BRD4: variants seen among roughly 807,000 people sequenced by gnomAD.
BRD4 encodes the protein bromodomain-containing protein 4.
BRD4 carries 16 observed loss-of-function variants against 142.1 expected under a neutral mutation model. The observed-to-expected ratio is 0.11, with a 90% confidence interval of 0.08 to 0.17. The LOEUF is 0.17. Ranked by LOEUF, BRD4 falls within the 10% of genes least tolerant of loss-of-function variation. BRD4 has a pLI of 1.00. For missense variants in BRD4, 1,424 were observed against 1,810.9 expected (o/e 0.79, Z 3.88); for synonymous variants, 833 against 707.5 (o/e 1.18, Z -2.82).
At chr19:15,292,776 TCAAAAAAAAAAA>T (rs2047792328) in intron 1 of BRD4, among the ~76,000 whole-genome samples, 1 of 22,458 alleles carries the variant, frequency 4.5e-5, no homozygotes, top group African/African-American at 1.7e-4. Flanking sequence ...AGACTCCGTC[TCAAAAAAAAAAA>T]AAAAAAAAAA....
intron 1 of BRD4, among the ~76,000 whole-genome samples, chr19:15,319,219 C>G (rs1233242954): frequency 1.3e-5 from 2 of 152,068 alleles, no homozygotes; most frequent in Non-Finnish European, 2.9e-5. Context: ...CCTGTAATCT[C>G]AGAACTCTGG....
rs200422540 is a variant in BRD4, at chr19:15,244,705, T to A, written c.2211+5A>T. The stretch of plus-strand genomic sequence containing the variant: ...CTAATGAAGGATGCCCCTGAGCCCA[T>A]GTACCTTCTTCTGCTCCCTCCCGGG... On this transcript the variant is annotated splice_donor_5th_base_variant and intron_variant, in intron 12 of 19. Coordinates refer to ENST00000679869, the MANE Select transcript of BRD4 (RefSeq NM_001379291.1). The A allele has an allele frequency of 1.1e-5, 17 of 1,614,018 alleles. No homozygotes were observed. Among genetic ancestry groups the A allele is most frequent in the Non-Finnish European group, 1.4e-5 (17 of 1,180,016 alleles).
At chr19:15,308,163 GGT>G (rs200096182) in intron 1 of BRD4, among the ~76,000 whole-genome samples, 3 of 30,438 alleles carry the variant, frequency 9.9e-5, no homozygotes, top group African/African-American at 2.7e-4. Context: ...GGGGGGGGGG[GGT>G]GGGTCGCGTA....
At chr19:15,256,848 TG>T in intron 8 of BRD4, 115 bp downstream of exon 8, 1 of 912,896 alleles carries the variant, frequency 1.1e-6, no homozygotes, top group Non-Finnish European at 1.6e-6. Context: ...GGTGGTCCAG[TG>T]GGAATTATGC....
At position 15,265,524 on chromosome 19, in the gene BRD4, C is replaced by T. The variant is rs1490641123; in HGVS notation, c.679G>A (p.Ala227Thr). The change falls in exon 5 of 20, where the codon GCC becomes ACC. Residue 227 changes from alanine to threonine, a missense_variant. By Grantham distance (58) the Ala-to-Thr change is moderately conservative. Around this residue, in one of 16 missense-constraint regions of BRD4, gnomAD observed 140 missense variants for 131.7 expected, o/e 1.06. Coordinates refer to ENST00000679869, the MANE Select transcript of BRD4 (RefSeq NM_001379291.1). ...TGGACGATGAGGTCCGGGGTGACGGCAGGGAAGGGGTGAGGCGTGGCCTGC... is the reference window on the plus strand; with the variant it reads ...TGGACGATGAGGTCCGGGGTGACGGTAGGGAAGGGGTGAGGCGTGGCCTGC... ...PVQATPHPFP[A>T]VTPDLIVQTP... 1.2e-6 allele frequency: 2 copies of T among 1,613,746 alleles called. No individual in the cohort carries two copies. The highest frequency in any genetic ancestry group is 4.5e-5 in the East Asian group (2 of 44,860).
chr19:15,244,164 G>C (rs747870373), intron 13 of BRD4, 67 bp downstream of exon 13: 1 of 1,534,366 alleles, frequency 6.5e-7, no homozygotes, highest in Non-Finnish European at 8.7e-7. Context: ...CAGAGTGCTC[G>C]GACACCACAT....
chr19:15,330,554 T>C (rs540625386), intron 1 of BRD4, among the ~76,000 whole-genome samples: 2 of 152,144 alleles, frequency 1.3e-5, no homozygotes, highest in South Asian at 4.2e-4. Context: ...ACACCTGAGG[T>C]CAGGAGTTCG....
At chr19:15,279,412 TGCAAAGTGGATGGCA>T (rs2047683483) in intron 1 of BRD4, among the ~76,000 whole-genome samples, 1 of 152,188 alleles carries the variant, frequency 6.6e-6, no homozygotes, top group African/African-American at 2.4e-5. Flanking sequence ...AGTCCCTACT[TGCAAAGTGGATGGCA>T]GCAAGCCCTC....
At chr19:15,240,738 G>A (rs1014993018) in intron 14 of BRD4, among the ~76,000 whole-genome samples, 1 of 152,180 alleles carries the variant, frequency 6.6e-6, no homozygotes, top group African/African-American at 2.4e-5. Context: ...CCAGCACCTC[G>A]GGACTGTGCA....
intron 1 of BRD4, among the ~76,000 whole-genome samples, chr19:15,327,385 A>C (rs1447827724): frequency 4.6e-5 from 7 of 152,112 alleles, no homozygotes; most frequent in African/African-American, 1.7e-4. Context: ...CTAAATAGTA[A>C]ACACAAAAAT....
At chr19:15,308,303 G>C (rs2047935100) in intron 1 of BRD4, among the ~76,000 whole-genome samples, 1 of 150,782 alleles carries the variant, frequency 6.6e-6, no homozygotes, top group Admixed American at 6.6e-5. Context: ...TAAAACGGTA[G>C]GTTGGCTGGG....
At chr19:15,273,777 G>A (rs541835220) in intron 1 of BRD4, among the ~76,000 whole-genome samples, 2 of 149,632 alleles carry the variant, frequency 1.3e-5, no homozygotes, top group Admixed American at 6.7e-5. Flanking sequence ...GTTTACTGCC[G>A]ATAAAATAAA....
chr19:15,269,728 AT>A (rs2047567968), intron 2 of BRD4, among the ~76,000 whole-genome samples: 1 of 152,214 alleles, frequency 6.6e-6, no homozygotes, highest in African/African-American at 2.4e-5. Flanking sequence ...AAAAATAAAA[AT>A]AAAAAATCCA....
At chr19:15,313,869 G>A (rs974234637) in intron 1 of BRD4, among the ~76,000 whole-genome samples, 2 of 152,086 alleles carry the variant, frequency 1.3e-5, no homozygotes, top group Non-Finnish European at 2.9e-5. Flanking sequence ...CCAGCACCCA[G>A]ACAATCCCTG....
At chr19:15,321,416 G>C (rs1483417228) in intron 1 of BRD4, among the ~76,000 whole-genome samples, 1 of 151,384 alleles carries the variant, frequency 6.6e-6, no homozygotes, top group Non-Finnish European at 1.5e-5. Context: ...GGAGGGCAGA[G>C]ACCAGCTACA....
At chr19:15,292,777 C>CAAAAA (rs57341445) in intron 1 of BRD4, among the ~76,000 whole-genome samples, 106 of 57,250 alleles carry the variant, frequency 1.9e-3, no homozygotes, top group Non-Finnish European at 2.7e-3. Flanking sequence ...GACTCCGTCT[C>CAAAAA]AAAAAAAAAA....
chr19:15,238,838 T>TGGC lies in BRD4; in HGVS notation c.3922_3924dup (p.Ala1308dup). ...GGCTGGGAGCTCTGGGCCTGTGGGG[T>TGGC]GGCGGCGGCAGCCACCGCAGCTGCT... is the stretch of plus-strand genomic sequence containing the variant. On this transcript the variant is annotated inframe_insertion, in exon 19 of 20. Coordinates refer to ENST00000679869, the MANE Select transcript of BRD4 (RefSeq NM_001379291.1). The surrounding 1 kb of genome is among the most constrained non-coding windows in gnomAD (Gnocchi z 7.2). 1 of 1,602,818 alleles carries TGGC rather than the reference T, an allele frequency of 6.2e-7. No individual in the cohort carries two copies. The highest frequency in any genetic ancestry group is 8.5e-7 in the Non-Finnish European group (1 of 1,174,998).
At chr19:15,324,096 CT>C (rs890811213) in intron 1 of BRD4, among the ~76,000 whole-genome samples, 1 of 152,062 alleles carries the variant, frequency 6.6e-6, no homozygotes, top group African/African-American at 2.4e-5. Flanking sequence ...GTTCTCTCTC[CT>C]CTCCTGCTCT....
chr19:15,255,680 G>A, intron 9 of BRD4, 88 bp from the exon 10 acceptor site: 1 of 1,481,796 alleles, frequency 6.7e-7, no homozygotes, highest in Non-Finnish European at 9.0e-7. Flanking sequence ...TGGGGGGAAG[G>A]GGTGCCCTTC....
Sources: allele counts gnomAD v4.1 joint callset (sites outside exome capture counted in the v4.1 genomes callset), GRCh38; gene constraint gnomAD v4.1.1; regional missense constraint gnomAD v4.1.1; non-coding constraint Gnocchi (gnomAD v3.1); transcripts MANE v1.5; gene names NCBI Gene and HGNC (gene_info 2026-07-23, HGNC 2026-07-21).